ARK2C: variants seen among roughly 807,000 people sequenced by gnomAD.
ARK2C encodes arkadia (RNF111) C-terminal like ring finger ubiquitin ligase 2C.
chr18:46,427,317 G>A, the ARK2C span, among the ~76,000 whole-genome samples: 1 of 152,336 alleles, frequency 6.6e-6, no homozygotes, highest in South Asian at 2.1e-4. Context: ...TGCGTCTGCT[G>A]GAGGGCACAG....
At chr18:46,400,585 G>C in the ARK2C span, among the ~76,000 whole-genome samples, 1 of 152,152 alleles carries the variant, frequency 6.6e-6, no homozygotes, top group African/African-American at 2.4e-5. Context: ...ACCCGCACCT[G>C]TTTAGGGTGG....
chr18:46,455,725 A>T, the ARK2C span, among the ~76,000 whole-genome samples: 1,718 of 152,176 alleles, frequency 0.011, 33 homozygotes, highest in African/African-American at 0.04. Context: ...AATCCCAGCT[A>T]CTCGGAGGCT....
the ARK2C span, among the ~76,000 whole-genome samples, chr18:46,454,236 G>T: frequency 6.7e-6 from 1 of 149,922 alleles, no homozygotes; most frequent in African/African-American, 2.4e-5. Flanking sequence ...GGAAAATCAT[G>T]AATAATGATG....
At chr18:46,343,096 A>G in the ARK2C span, among the ~76,000 whole-genome samples, 1,314 of 152,340 alleles carry the variant, frequency 8.6e-3, 14 homozygotes, top group African/African-American at 0.03. Flanking sequence ...TCAAAATGCC[A>G]TAGGTTCTAG....
At chr18:46,427,055 T>C in the ARK2C span, among the ~76,000 whole-genome samples, 1 of 152,136 alleles carries the variant, frequency 6.6e-6, no homozygotes, top group Admixed American at 6.5e-5. Context: ...CCCTACATGA[T>C]TTAGGGCTGA....
chr18:46,356,327 G>A, the ARK2C span, among the ~76,000 whole-genome samples: 1 of 152,166 alleles, frequency 6.6e-6, no homozygotes, highest in Admixed American at 6.5e-5. Context: ...CAAACAAGCA[G>A]GCCAATAGGT....
chr18:46,357,723 G>A, the ARK2C span, among the ~76,000 whole-genome samples: 1 of 152,242 alleles, frequency 6.6e-6, no homozygotes, highest in Non-Finnish European at 1.5e-5. Context: ...AATTGCCTCC[G>A]ATGAGGGGTC....
At chr18:46,455,293 G>A in the ARK2C span, among the ~76,000 whole-genome samples, 1 of 152,184 alleles carries the variant, frequency 6.6e-6, no homozygotes, top group Admixed American at 6.6e-5. Flanking sequence ...TGAAAGTGGA[G>A]GGAGAAACCT....
the ARK2C span, among the ~76,000 whole-genome samples, chr18:46,445,848 C>T: frequency 2.0e-5 from 3 of 152,140 alleles, no homozygotes; most frequent in Admixed American, 1.3e-4. Flanking sequence ...AAACTTAACT[C>T]CTGTTAAACT....
the ARK2C span, among the ~76,000 whole-genome samples, chr18:46,394,087 A>G: frequency 3.9e-5 from 6 of 152,184 alleles, no homozygotes; most frequent in Admixed American, 3.9e-4. Flanking sequence ...CCTGCCACAC[A>G]CCAGACTCTA....
chr18:46,400,318 C>A, the ARK2C span, among the ~76,000 whole-genome samples: 279 of 152,312 alleles, frequency 1.8e-3, 2 homozygotes, highest in Middle Eastern at 6.8e-3. Flanking sequence ...ATGACAGGAA[C>A]CTGATTGTTC....
At chr18:46,366,314 A>G in the ARK2C span, among the ~76,000 whole-genome samples, 15 of 143,744 alleles carry the variant, frequency 1.0e-4, no homozygotes, top group East Asian at 3.0e-3. Context: ...AAAAAAAAAA[A>G]AAAAATAGAG....
the ARK2C span, among the ~76,000 whole-genome samples, chr18:46,449,934 A>C: frequency 6.6e-6 from 1 of 152,184 alleles, no homozygotes; most frequent in African/African-American, 2.4e-5. Flanking sequence ...CCTTGGTTGC[A>C]TAACTTGAGC....
chr18:46,425,031 C>A, the ARK2C span, among the ~76,000 whole-genome samples: 2 of 152,350 alleles, frequency 1.3e-5, no homozygotes, highest in South Asian at 4.1e-4. Flanking sequence ...CCTGCCCCTC[C>A]CTGGTGCCTT....
At chr18:46,358,134 C>G in the ARK2C span, among the ~76,000 whole-genome samples, 1 of 152,186 alleles carries the variant, frequency 6.6e-6, no homozygotes, top group Non-Finnish European at 1.5e-5. Flanking sequence ...GGACATCAAC[C>G]TATCTTTTCA....
chr18:46,414,692 G>A, the ARK2C span, among the ~76,000 whole-genome samples: 1 of 152,096 alleles, frequency 6.6e-6, no homozygotes, highest in African/African-American at 2.4e-5. Flanking sequence ...ACAGACACAT[G>A]CACATACACA....
the ARK2C span, among the ~76,000 whole-genome samples, chr18:46,346,273 T>C: frequency 1.3e-5 from 2 of 152,214 alleles, no homozygotes; most frequent in African/African-American, 4.8e-5. Flanking sequence ...CACAGGACTC[T>C]TTATTGTGGT....
the ARK2C span, among the ~76,000 whole-genome samples, chr18:46,429,342 C>G: frequency 6.6e-6 from 1 of 152,190 alleles, no homozygotes. Context: ...TCGGTCTGCC[C>G]TTTGCCCTCC....
At chr18:46,389,470 T>C in the ARK2C span, among the ~76,000 whole-genome samples, 6 of 152,294 alleles carry the variant, frequency 3.9e-5, no homozygotes, top group African/African-American at 1.2e-4. Context: ...GAAGTATATG[T>C]AGGAGTGAGA....
Sources: allele counts gnomAD v4.1 joint callset (sites outside exome capture counted in the v4.1 genomes callset), GRCh38; gene constraint gnomAD v4.1.1; transcripts MANE v1.5; gene names NCBI Gene and HGNC (gene_info 2026-07-23, HGNC 2026-07-21).